Variants in TMPRSS11A observed in about 807,000 individuals in gnomAD.
TMPRSS11A encodes the protein transmembrane serine protease 11A.
A neutral mutation model predicts 58.9 loss-of-function variants in TMPRSS11A; 53 were observed. That is an observed-to-expected ratio of 0.90 (90% confidence interval 0.72 to 1.13). The LOEUF (loss-of-function observed/expected upper bound fraction) is 1.13. Ranked by LOEUF, TMPRSS11A falls within the 50% of genes most tolerant of loss-of-function variation. The pLI, the probability that TMPRSS11A is intolerant of heterozygous loss-of-function variation, is 0.00. For missense variants in TMPRSS11A, 493 were observed against 499.3 expected, an observed-to-expected ratio of 0.99 and a Z score of 0.12; for synonymous variants, 167 against 169.8, an observed-to-expected ratio of 0.98 and a Z score of 0.13.
chr4:67,938,898 T>A lies in TMPRSS11A; in HGVS notation c.252+5621A>T, dbSNP rs532818406. Among the ~76,000 whole-genome samples, 302 of 152,130 alleles carry A rather than the reference T, an allele frequency of 2.0e-3. 6 individuals carry two copies. The highest frequency in any genetic ancestry group is 2.5e-4 in the Non-Finnish European group (17 of 67,990). On this transcript the variant is annotated intron_variant, in intron 3 of 9. Transcript: ENST00000508048. ...GAGTCCTTTGGCTATTGGGGCTTTT[T>A]TTTTTTGTACCATATGAAATTTACA...
At chr4:67,952,193 A>C (rs1332828806) in intron 1 of TMPRSS11A, among the ~76,000 whole-genome samples, 2 of 152,230 alleles carry the variant, frequency 1.3e-5, no homozygotes, top group Non-Finnish European at 2.9e-5. Flanking sequence ...ATCATTTTAT[A>C]GGTGAATAAC....
At chr4:67,932,624 T>A (rs1720657321) in intron 3 of TMPRSS11A, among the ~76,000 whole-genome samples, 3 of 152,098 alleles carry the variant, frequency 2.0e-5, no homozygotes, top group African/African-American at 4.8e-5. Context: ...TTGGGTAAGT[T>A]TTGGTAGTTA....
chr4:67,922,115 C>A (rs868277132), intron 7 of TMPRSS11A, among the ~76,000 whole-genome samples: 8 of 152,270 alleles, frequency 5.3e-5, no homozygotes, highest in Middle Eastern at 6.8e-3. Context: ...TGAAGAGATG[C>A]TCTATTATGG....
chr4:67,921,129 G>A (rs1720316881), intron 7 of TMPRSS11A, among the ~76,000 whole-genome samples: 1 of 152,054 alleles, frequency 6.6e-6, no homozygotes, highest in African/African-American at 2.4e-5. Flanking sequence ...AGTTAATAGA[G>A]TATAGATTTG....
At chr4:67,921,798 G>A (rs924927267) in intron 7 of TMPRSS11A, among the ~76,000 whole-genome samples, 1 of 152,064 alleles carries the variant, frequency 6.6e-6, no homozygotes, top group Non-Finnish European at 1.5e-5. Context: ...CCAACTGCCT[G>A]GGACATATTT....
At chr4:67,936,464 T>C (rs1720756867) in intron 3 of TMPRSS11A, among the ~76,000 whole-genome samples, 1 of 151,930 alleles carries the variant, frequency 6.6e-6, no homozygotes, top group Non-Finnish European at 1.5e-5. Context: ...CAAGCCTAAC[T>C]GCCACATCTT....
Position 67,933,257 on chromosome 4 carries a change from G to T in TMPRSS11A, c.253-1197C>A, listed in dbSNP as rs1324688256. On this transcript the variant is annotated intron_variant, in intron 3 of 9. Coordinates refer to ENST00000508048, the MANE Select transcript of TMPRSS11A (RefSeq NM_001114387.2). ...CTTCTTTAACTCTAATGACAATTCT[G>T]CGAAGAAGTATCTTCATTCCTGTTA... 2.0e-5 allele frequency among the ~76,000 whole-genome samples: 3 copies of T among 152,050 alleles called. No homozygotes were observed. In the East Asian group the frequency reaches 5.8e-4, roughly 29 times the overall value.
At chr4:67,929,297 T>C (rs370147583) in intron 5 of TMPRSS11A, among the ~76,000 whole-genome samples, 2 of 152,164 alleles carry the variant, frequency 1.3e-5, no homozygotes, top group Non-Finnish European at 2.9e-5. Flanking sequence ...AATGGTATAA[T>C]GGGCTAAGGG....
At chr4:67,957,521 G>T (rs1721315823) in intron 1 of TMPRSS11A, among the ~76,000 whole-genome samples, 1 of 152,168 alleles carries the variant, frequency 6.6e-6, no homozygotes, top group African/African-American at 2.4e-5. Flanking sequence ...TTGAACTTGA[G>T]AGAGATGATT....
At chr4:67,921,540 C>G (rs889582360) in intron 7 of TMPRSS11A, among the ~76,000 whole-genome samples, 3 of 152,178 alleles carry the variant, frequency 2.0e-5, no homozygotes, top group Non-Finnish European at 4.4e-5. Flanking sequence ...AACTCCTGAG[C>G]TCAAGTGGTC....
intron 1 of TMPRSS11A, among the ~76,000 whole-genome samples, chr4:67,954,562 T>C (rs559223814): frequency 1.3e-5 from 2 of 152,372 alleles, no homozygotes; most frequent in East Asian, 3.9e-4. Context: ...CACCTTGAGA[T>C]ATTAGCAAAA....
chr4:67,944,419 T>C, intron 3 of TMPRSS11A, 100 bp downstream of exon 3: 3 of 1,363,580 alleles, frequency 2.2e-6, no homozygotes, highest in Middle Eastern at 3.8e-4. Context: ...GATTCTAATG[T>C]TGGCGGTCTG....
intron 1 of TMPRSS11A, among the ~76,000 whole-genome samples, chr4:67,950,529 TC>T (rs1399174851): frequency 3.3e-5 from 5 of 152,180 alleles, no homozygotes; most frequent in Non-Finnish European, 7.3e-5. Context: ...CTTTATTACA[TC>T]TGCAAAATTT....
intron 3 of TMPRSS11A, among the ~76,000 whole-genome samples, chr4:67,937,237 T>A (rs1720775581): frequency 6.6e-6 from 1 of 152,172 alleles, no homozygotes. Flanking sequence ...ACACCTTTCT[T>A]CCAACTATAG....
intron 5 of TMPRSS11A, among the ~76,000 whole-genome samples, chr4:67,925,185 T>G (rs1209664569): frequency 6.6e-6 from 1 of 152,168 alleles, no homozygotes; most frequent in Non-Finnish European, 1.5e-5. Context: ...TTCTGTCAAC[T>G]TCCAAAAAAG....
At chr4:67,913,988 A>G (rs1418419121) in intron 9 of TMPRSS11A, among the ~76,000 whole-genome samples, 3 of 152,226 alleles carry the variant, frequency 2.0e-5, no homozygotes, top group African/African-American at 7.2e-5. Context: ...TGGAATCACA[A>G]CATGGCCTAA....
chr4:67,913,433 TACTGTATTTTTCTATGACTA>T (rs1470486248), intron 9 of TMPRSS11A, among the ~76,000 whole-genome samples: 1 of 152,160 alleles, frequency 6.6e-6, no homozygotes, highest in Non-Finnish European at 1.5e-5. Context: ...CCTGATAACT[TACTGTATTTTTCTATGACTA>T]AAGCCTTGTT....
At chr4:67,957,548 A>G (rs1721316457) in intron 1 of TMPRSS11A, among the ~76,000 whole-genome samples, 1 of 152,196 alleles carries the variant, frequency 6.6e-6, no homozygotes, top group Admixed American at 6.5e-5. Context: ...ATCTGGAGAA[A>G]GAAATTTCTA....
chr4:67,937,484 T>C lies in TMPRSS11A; in HGVS notation c.253-5424A>G, dbSNP rs182529905. ...TTTAAAAAATGAAATGAGAGAAGAATTGATTTAGATTTTAATAATTTTATC... is the reference window on the plus strand; with the variant it reads ...TTTAAAAAATGAAATGAGAGAAGAACTGATTTAGATTTTAATAATTTTATC... On this transcript the variant is annotated intron_variant, in intron 3 of 9. Coordinates refer to ENST00000508048, the MANE Select transcript of TMPRSS11A (RefSeq NM_001114387.2). Among the ~76,000 whole-genome samples, 25 of 152,262 alleles carry C rather than the reference T, an allele frequency of 1.6e-4. No individual in the cohort carries two copies. In the East Asian group the frequency reaches 4.2e-3, roughly 26 times the overall value.
Sources: gnomAD v4.1 joint callset for allele counts (sites outside exome capture counted in the v4.1 genomes callset) on GRCh38, gnomAD v4.1.1 for gene constraint, MANE v1.5 for transcripts, NCBI Gene and HGNC (gene_info 2026-07-23, HGNC 2026-07-21) for gene names.